Variants in ERICH3 observed in about 807,000 individuals in gnomAD.
ERICH3 encodes glutamate-rich protein 3.
ERICH3 carries 126 observed loss-of-function variants against 131.1 expected under a neutral mutation model. The observed-to-expected ratio is 0.96, with a 90% CI of 0.83 to 1.11. The LOEUF is 1.11. ERICH3 is among the 50% of genes most tolerant of loss of function. The pLI is 0.00. For missense variants in ERICH3, 2,050 were observed against 1,810.7 expected, an observed-to-expected ratio of 1.13 and a Z score of -2.40; for synonymous variants, 695 against 644.6, an observed-to-expected ratio of 1.08 and a Z score of -1.18.
In ERICH3 at chr1:74,571,545, G is replaced by C; in HGVS notation, c.4165C>G (p.Gln1389Glu). ...SDVAEEETWH[Q>E]QDELVGKTAA... is the part of the protein sequence containing the mutation. ...GTTTTTCCTACTAACTCATCCTGTT[G>C]GTGCCAGGTTTCTTCCTCAGCAACA... The change falls in exon 14 of 15, where the codon CAA becomes GAA. Residue 1389 changes from glutamine (Q) to glutamate (E), a missense_variant. Transcript: ENST00000326665. The C allele has an allele frequency of 6.2e-7, 1 of 1,614,060 alleles. No individual in the cohort carries two copies. Among genetic ancestry groups the C allele is most frequent in the Non-Finnish European group, 8.5e-7 (1 of 1,179,998 alleles).
intron 2 of ERICH3, 137 bp downstream of exon 2, chr1:74,649,085 C>G (rs2100642132): frequency 1.7e-6 from 1 of 573,408 alleles, no homozygotes; most frequent in East Asian, 2.9e-5. Context: ...ATACATAAAT[C>G]AAAACTTTGG....
chr1:74,655,296 A>G (rs1335627645), intron 1 of ERICH3, among the ~76,000 whole-genome samples: 4 of 152,210 alleles, frequency 2.6e-5, no homozygotes, highest in African/African-American at 9.6e-5. Flanking sequence ...ATTACCACAT[A>G]CTAGTAGCTT....
chr1:74,649,375 ATTC>A (rs1002683296), intron 1 of ERICH3, 60 bp from the exon 2 acceptor site: 2 of 1,305,614 alleles, frequency 1.5e-6, no homozygotes, highest in Admixed American at 1.7e-5. Flanking sequence ...AACCAAGGCA[ATTC>A]TTTACTGTTT....
At chr1:74,673,359 TC>T (rs1168883441) in intron 1 of ERICH3, 137 bp downstream of exon 1, 1 of 910,418 alleles carries the variant, frequency 1.1e-6, no homozygotes, top group East Asian at 3.2e-5. Context: ...AACCCAGAAT[TC>T]GTATATATTT....
chr1:74,587,657 A>G (rs1314043287), intron 12 of ERICH3, among the ~76,000 whole-genome samples: 1 of 152,162 alleles, frequency 6.6e-6, no homozygotes, highest in East Asian at 1.9e-4. Context: ...CAGGTAAACA[A>G]TCTGGTTCTC....
chr1:74,616,165 CT>C (rs1557684991), intron 8 of ERICH3, among the ~76,000 whole-genome samples: 1 of 151,416 alleles, frequency 6.6e-6, no homozygotes, highest in African/African-American at 2.4e-5. Flanking sequence ...CCATGGCCAG[CT>C]ATATATATAT....
intron 13 of ERICH3, among the ~76,000 whole-genome samples, chr1:74,576,454 C>T (rs1475832854): frequency 6.6e-6 from 1 of 152,142 alleles, no homozygotes; most frequent in Admixed American, 6.5e-5. Context: ...TCAAGTGTTA[C>T]CTGGCCCTCT....
chr1:74,594,146 A>C (rs1335497777), intron 11 of ERICH3, among the ~76,000 whole-genome samples: 1 of 152,154 alleles, frequency 6.6e-6, no homozygotes, highest in Admixed American at 6.6e-5. Flanking sequence ...AGCAAAAGGT[A>C]GCGATCAAAG....
intron 11 of ERICH3, among the ~76,000 whole-genome samples, chr1:74,597,155 C>A (rs1481573663): frequency 2.0e-5 from 3 of 151,990 alleles, no homozygotes; most frequent in Non-Finnish European, 4.4e-5. Context: ...CCAAGGAATC[C>A]ATCATGTCAT....
chr1:74,627,828 G>A (rs920494523), intron 7 of ERICH3, among the ~76,000 whole-genome samples: 4 of 151,946 alleles, frequency 2.6e-5, no homozygotes, highest in Non-Finnish European at 5.9e-5. Flanking sequence ...TAAGAAAAAT[G>A]TATGTTATGA....
At chr1:74,625,036 T>C (rs1649366860) in intron 7 of ERICH3, 1 of 152,192 alleles carries the variant, frequency 6.6e-6, no homozygotes, top group African/African-American at 2.4e-5. Context: ...GATCTTGTGA[T>C]GGTTAATTTT....
At chr1:74,644,595 C>A in intron 3 of ERICH3, among the ~76,000 whole-genome samples, 1 of 151,990 alleles carries the variant, frequency 6.6e-6, no homozygotes, top group East Asian at 1.9e-4. Flanking sequence ...GAAAATCTTT[C>A]TTCTGAGCTC....
At chr1:74,570,500 G>A (rs1199843386) in intron 14 of ERICH3, 61 bp from the exon 15 acceptor site, 1 of 152,162 alleles carries the variant, frequency 6.6e-6, no homozygotes, top group Non-Finnish European at 1.5e-5. Context: ...AGTAGAAACA[G>A]GACTAAGAAT....
rs1646913341 is a variant in ERICH3, at chr1:74,569,655, A to G, written c.*803T>C. ...CTATGCTTACCACTATAATTATTAT[A>G]CTTATTCCACTTAGCTAAATTATTT... On this transcript the variant is annotated 3_prime_UTR_variant, in exon 15 of 15. Transcript: ENST00000326665. 6.6e-6 allele frequency: 1 copy of G among 152,160 alleles called. No individual in the cohort carries two copies. Among genetic ancestry groups the G allele is most frequent in the Non-Finnish European group, 1.5e-5 (1 of 68,038 alleles). 9.4% of individuals were successfully genotyped at this position (152,160 alleles called of 1,614,324 possible).
chr1:74,599,535 A>G (rs965997064), intron 11 of ERICH3, among the ~76,000 whole-genome samples, 160 bp downstream of exon 11: 1 of 151,934 alleles, frequency 6.6e-6, no homozygotes, highest in Non-Finnish European at 1.5e-5. Flanking sequence ...ACATAAGTTT[A>G]TCTGTGTAAC....
chr1:74,611,924 G>A (rs541660210), intron 9 of ERICH3, among the ~76,000 whole-genome samples: 3 of 152,096 alleles, frequency 2.0e-5, no homozygotes, highest in Admixed American at 2.0e-4. Context: ...TACGTTATTA[G>A]CTTTTCCTCC....
Position 74,658,454 on chromosome 1 carries a change from G to A in ERICH3, c.24-9139C>T, listed in dbSNP as rs147185399. 4.4e-3 allele frequency among the ~76,000 whole-genome samples: 675 copies of A among 152,186 alleles called. 3 individuals are homozygous for A. Among genetic ancestry groups the A allele is most frequent in the African/African-American group, 0.015 (639 of 41,526 alleles). ...ACAAACCCTTGGCCAACCTATCAGA[G>A]AACTCTGTAGTAAGTAGTGCTTCTC... On this transcript the variant is annotated intron_variant, in intron 1 of 14. Transcript: ENST00000326665.
At chr1:74,667,959 G>A (rs1646707519) in intron 1 of ERICH3, among the ~76,000 whole-genome samples, 1 of 152,116 alleles carries the variant, frequency 6.6e-6, no homozygotes, top group African/African-American at 2.4e-5. Context: ...AGATCTGATG[G>A]TTTAAAAGTG....
At chr1:74,617,153 AAAAAAACAAC>A (rs2100604793) in intron 8 of ERICH3, among the ~76,000 whole-genome samples, 1 of 138,604 alleles carries the variant, frequency 7.2e-6, no homozygotes, top group East Asian at 2.0e-4. Flanking sequence ...TAAGTTACTA[AAAAAAACAAC>A]AAAAAACAAA....
Sources: allele counts gnomAD v4.1 joint callset (sites outside exome capture counted in the v4.1 genomes callset), GRCh38; gene constraint gnomAD v4.1.1; transcripts MANE v1.5; gene names NCBI Gene and HGNC (gene_info 2026-07-23, HGNC 2026-07-21).